KIRREL1: variants seen among roughly 807,000 people sequenced by gnomAD.
The protein encoded by KIRREL1 is kin of IRRE-like protein 1.
A neutral mutation model predicts 83.3 loss-of-function variants in KIRREL1; 25 were observed. The observed-to-expected ratio is 0.30, with a 90% CI of 0.22 to 0.42. The LOEUF (loss-of-function observed/expected upper bound fraction) is 0.42. KIRREL1 is among the 10% of genes least tolerant of loss of function. The probability of loss-of-function intolerance (pLI) is 1.00; values close to 1 mark genes in which losing one functional copy is unlikely to be tolerated. For synonymous variants in KIRREL1, 388 were observed against 410.4 expected, an observed-to-expected ratio of 0.95 and a Z score of 0.66; for missense variants, 812 against 1,032.3, an observed-to-expected ratio of 0.79 and a Z score of 2.92.
At chr1:158,067,423 G>T (rs368965179) in intron 1 of KIRREL1, among the ~76,000 whole-genome samples, 14 of 152,300 alleles carry the variant, frequency 9.2e-5, no homozygotes, top group South Asian at 4.1e-4. Context: ...GGGAGGAAAT[G>T]CCAAGATGGG....
At chr1:158,033,830 A>C (rs978924894) in intron 1 of KIRREL1, among the ~76,000 whole-genome samples, 3 of 152,100 alleles carry the variant, frequency 2.0e-5, no homozygotes, top group African/African-American at 7.2e-5. Context: ...AAATACAAAA[A>C]TTAGCCAGGC....
intron 1 of KIRREL1, among the ~76,000 whole-genome samples, chr1:158,045,050 A>T (rs1660738664): frequency 6.6e-6 from 1 of 152,190 alleles, no homozygotes; most frequent in African/African-American, 2.4e-5. Context: ...TAGGCACATT[A>T]AGGGGAAGAA....
intron 1 of KIRREL1, among the ~76,000 whole-genome samples, chr1:158,032,114 A>C (rs566805792): frequency 1.3e-5 from 2 of 152,204 alleles, no homozygotes; most frequent in South Asian, 2.1e-4. Flanking sequence ...CAAACAAACA[A>C]ACACACTTGC....
rs544061498 is a variant in KIRREL1 at position 158,003,868 on chromosome 1, T to C, written c.52+10140T>C. ...ATGACTTCTGGATTATCTGCACCGC[T>C]GCCACTCTCCATTTATGCAGAAAAT... On this transcript the variant is annotated intron_variant, in intron 1 of 14. Transcript: ENST00000359209. Among the ~76,000 whole-genome samples the C allele has an allele frequency of 7.9e-5, 12 of 152,300 alleles. 1 individual carries two copies. The South Asian group carries it at 2.5e-3, about 32-fold the overall frequency.
chr1:158,064,112 A>G (rs992661137), intron 1 of KIRREL1, among the ~76,000 whole-genome samples: 4 of 152,202 alleles, frequency 2.6e-5, no homozygotes, highest in African/African-American at 9.6e-5. Flanking sequence ...CTGAGCACCT[A>G]TGGTGTGTGT....
chr1:158,062,642 C>T (rs933788132), intron 1 of KIRREL1, among the ~76,000 whole-genome samples: 3 of 152,376 alleles, frequency 2.0e-5, no homozygotes, highest in South Asian at 2.1e-4. Context: ...AGTATGTTGA[C>T]GTGTGGTAAC....
intron 1 of KIRREL1, among the ~76,000 whole-genome samples, chr1:158,014,685 G>T (rs868626896): frequency 3.3e-5 from 5 of 150,770 alleles, no homozygotes; most frequent in African/African-American, 9.8e-5. Context: ...CTTTATGGGG[G>T]GGGGGGGGCG....
At chr1:158,040,700 G>A (rs969678949) in intron 1 of KIRREL1, among the ~76,000 whole-genome samples, 1 of 152,194 alleles carries the variant, frequency 6.6e-6, no homozygotes, top group African/African-American at 2.4e-5. Context: ...TTCAGAAAAT[G>A]GGAACAGGCA....
intron 1 of KIRREL1, among the ~76,000 whole-genome samples, chr1:157,999,017 G>A (rs141877887): frequency 1.9e-4 from 29 of 152,158 alleles, no homozygotes; most frequent in Non-Finnish European, 2.9e-4. Flanking sequence ...CCTCCTAAGC[G>A]CCATGAGTGC....
chr1:158,036,835 G>A (rs914885087), intron 1 of KIRREL1, among the ~76,000 whole-genome samples: 8 of 152,292 alleles, frequency 5.3e-5, no homozygotes, highest in South Asian at 2.1e-4. Flanking sequence ...CAAGCTGTCT[G>A]GAGAAGAAAG....
At chr1:158,010,404 C>T (rs1659650313) in intron 1 of KIRREL1, among the ~76,000 whole-genome samples, 1 of 108,828 alleles carries the variant, frequency 9.2e-6, no homozygotes, top group South Asian at 3.5e-4. Context: ...CATACACACA[C>T]ACACACACAC....
intron 1 of KIRREL1, among the ~76,000 whole-genome samples, chr1:158,070,707 G>A (rs1661487574): frequency 6.6e-6 from 1 of 152,148 alleles, no homozygotes; most frequent in Admixed American, 6.5e-5. Flanking sequence ...GGTGTGTGTG[G>A]TGAGGGTTGT....
chr1:158,061,104 A>AC (rs993871177), intron 1 of KIRREL1, among the ~76,000 whole-genome samples: 3 of 148,918 alleles, frequency 2.0e-5, no homozygotes, highest in South Asian at 4.5e-4. Context: ...TGAGAACCTA[A>AC]CCCCCCATCC....
intron 1 of KIRREL1, among the ~76,000 whole-genome samples, chr1:158,013,465 T>C (rs547410581): frequency 6.6e-6 from 1 of 152,346 alleles, no homozygotes; most frequent in East Asian, 1.9e-4. Context: ...CAGACAGAAC[T>C]GTTTTGGGTT....
intron 1 of KIRREL1, among the ~76,000 whole-genome samples, chr1:158,063,937 G>A (rs145321367): frequency 3.3e-4 from 51 of 152,296 alleles, no homozygotes; most frequent in African/African-American, 1.1e-3. Flanking sequence ...TAGGTCTGTC[G>A]TGTTCACCTT....
At chr1:158,089,437 G>T in intron 8 of KIRREL1, 65 bp from the exon 9 acceptor site, 8 of 1,596,884 alleles carry the variant, frequency 5.0e-6, no homozygotes, top group Non-Finnish European at 6.0e-6. Flanking sequence ...TCCGATGTGG[G>T]GCCCTCATGG....
intron 1 of KIRREL1, among the ~76,000 whole-genome samples, chr1:158,047,338 TG>T (rs1375104901): frequency 6.6e-6 from 1 of 152,054 alleles, no homozygotes; most frequent in African/African-American, 2.4e-5. Flanking sequence ...GATTGTGCCA[TG>T]TGGAAAGTGC....
At chr1:158,074,219 G>C (rs1207885744) in intron 1 of KIRREL1, among the ~76,000 whole-genome samples, 1 of 152,174 alleles carries the variant, frequency 6.6e-6, no homozygotes, top group African/African-American at 2.4e-5. Context: ...GCAGACTTGA[G>C]GAGCCACTCA....
At chr1:158,083,136 GC>G (rs1275150757) in intron 3 of KIRREL1, among the ~76,000 whole-genome samples, 1 of 152,154 alleles carries the variant, frequency 6.6e-6, no homozygotes, top group Non-Finnish European at 1.5e-5. Context: ...GGGAGGGAGA[GC>G]CCCCCTTGTT....
Sources: gnomAD v4.1 joint callset for allele counts (sites outside exome capture counted in the v4.1 genomes callset) on GRCh38, gnomAD v4.1.1 for gene constraint, MANE v1.5 for transcripts, NCBI Gene and HGNC (gene_info 2026-07-23, HGNC 2026-07-21) for gene names.